Variants in CLIP3 observed in about 807,000 individuals in gnomAD.
CLIP3 encodes CAP-Gly domain containing linker protein 3.
A neutral mutation model predicts 59.4 loss-of-function variants in CLIP3; 15 were observed. That is an observed-to-expected ratio of 0.25 (90% confidence interval 0.17 to 0.39). CLIP3 has a LOEUF of 0.39. Among genes scored for constraint, CLIP3 ranks in the 10% least tolerant of loss-of-function variants. The probability of loss-of-function intolerance (pLI) is 1.00; values close to 1 mark genes in which losing one functional copy is unlikely to be tolerated. For missense variants in CLIP3, 495 were observed against 765.7 expected (o/e 0.65, Z 4.17); for synonymous variants, 300 against 321.6 (o/e 0.93, Z 0.72).
At position 36,026,618 on chromosome 19, in the gene CLIP3, A is replaced by G; in HGVS notation, c.530T>C (p.Val177Ala). 6.2e-7 allele frequency: 1 copy of G among 1,613,786 alleles called. No individual in the cohort carries two copies. The highest frequency in any genetic ancestry group is 8.5e-7 in the Non-Finnish European group (1 of 1,179,922). The change falls in exon 5 of 14, where the codon GTG becomes GCG. Residue 177 changes from valine to alanine, a missense_variant. By Grantham distance (64) the Val-to-Ala change is moderately conservative. Around this residue, in one of 5 missense-constraint regions of CLIP3, gnomAD observed 194 missense variants for 327.8 expected, o/e 0.59. Transcript: ENST00000360535. This position sits in a 1 kb window ranked among gnomAD's most constrained non-coding sequence, Gnocchi z 6.3. ...YAAYFDVPDL[V>A]RVLLKGARPR... ...CCTCGCACCCTTCAGCAGCACACGC[A>G]CGAGGTCGGGCACATCAAAATAGGC... is the stretch of plus-strand genomic sequence containing the variant.
Position 36,015,785 on chromosome 19 carries a change from T to C in CLIP3, c.*373A>G, listed in dbSNP as rs745476868. The C allele has an allele frequency of 1.8e-5, 5 of 276,388 alleles. No individual in the cohort carries two copies. Among genetic ancestry groups the C allele is most frequent in the Non-Finnish European group, 2.8e-5 (4 of 141,438 alleles). The allele number at this position is 276,388 out of a possible 1,614,324, so 17.1% of individuals were successfully genotyped here. ...GGACTTAAGGGGCAGTGTTTGTTAA[T>C]GGGGAGGTTTCTGATCCAGGGTTGG... On this transcript the variant is annotated 3_prime_UTR_variant, in exon 14 of 14. Coordinates refer to ENST00000360535, the MANE Select transcript of CLIP3 (RefSeq NM_015526.3).
In CLIP3 at chr19:36,016,251, C is replaced by T. The variant is rs1483658341; in HGVS notation, c.1590-39G>A. The T allele has an allele frequency of 1.9e-6, 3 of 1,612,190 alleles. No homozygotes were observed. Among genetic ancestry groups the T allele is most frequent in the Non-Finnish European group, 1.7e-6 (2 of 1,178,562 alleles). On this transcript the variant is annotated intron_variant, in intron 13 of 13. Transcript: ENST00000360535. This position sits in a 1 kb window ranked among gnomAD's most constrained non-coding sequence, Gnocchi z 4.1. The stretch of plus-strand genomic sequence containing the variant: ...TGACAGGGTCACGCCCTTAGGCAGG[C>T]AGCGGGGACATCTGCACCCATCACC...
Position 36,024,610 on chromosome 19 carries a change from G to A in CLIP3, c.704C>T (p.Ala235Val). ...GTCCATAGGATCTGGGACCACCTCC[G>A]CCGGCACCTGTCCTTTTCGATTCTG... ...ALRNRKGQVP[A>V]EVVPDPMDMS... Residue 235 changes from alanine (A) to valine (V), a missense_variant, in exon 7 of 14, where the codon GCG becomes GTG. Transcript: ENST00000360535. The A allele has an allele frequency of 5.0e-6, 8 of 1,614,124 alleles. No homozygotes were observed. Among genetic ancestry groups the A allele is most frequent in the Non-Finnish European group, 6.8e-6 (8 of 1,180,024 alleles).
intron 7 of CLIP3, among the ~76,000 whole-genome samples, chr19:36,019,598 A>ATTTTTT (rs200645934): frequency 7.0e-5 from 7 of 99,426 alleles, no homozygotes; most frequent in South Asian, 2.8e-4. Context: ...TTATTTATTT[A>ATTTTTT]TTTTATTTAT....
intron 2 of CLIP3, 63 bp from the exon 3 acceptor site, chr19:36,027,334 G>T: frequency 6.5e-7 from 1 of 1,526,844 alleles, no homozygotes. Flanking sequence ...AGCCTCAGTA[G>T]GGGAGCTGTA....
At chr19:36,019,873 G>T (rs551062604) in intron 7 of CLIP3, among the ~76,000 whole-genome samples, 3 of 151,758 alleles carry the variant, frequency 2.0e-5, no homozygotes, top group Non-Finnish European at 4.4e-5. Context: ...AAAGTGCTGG[G>T]ATCACAGGCA....
At chr19:36,027,296 C>CTT (rs1568543992) in intron 2 of CLIP3, 25 bp from the exon 3 acceptor site, 1 of 1,573,970 alleles carries the variant, frequency 6.4e-7, no homozygotes, top group Admixed American at 1.8e-5. Flanking sequence ...GGTCCAAGGT[C>CTT]ACCCCACGCA....
At chr19:36,030,995 CTTTTTTTCTTTTCTTTTTT>C (rs1224012069) in intron 2 of CLIP3, among the ~76,000 whole-genome samples, 1 of 113,342 alleles carries the variant, frequency 8.8e-6, no homozygotes, top group Non-Finnish European at 1.9e-5. Flanking sequence ...TTTCTTTTTT[CTTTTTTTCTTTTCTTTTTT>C]TTTTTTTTCT....
intron 6 of CLIP3, among the ~76,000 whole-genome samples, chr19:36,025,496 C>T (rs895517318): frequency 4.6e-5 from 7 of 150,560 alleles, no homozygotes; most frequent in Non-Finnish European, 8.8e-5. Flanking sequence ...GAGGCTGAGG[C>T]AGGAGAATCG....
chr19:36,029,855 C>T (rs1969211441), intron 2 of CLIP3, among the ~76,000 whole-genome samples: 1 of 152,070 alleles, frequency 6.6e-6, no homozygotes, highest in African/African-American at 2.4e-5. Context: ...CTGTCCTCGA[C>T]CACATTTCCA....
rs761438827 is a variant in CLIP3 at position 36,017,781 on chromosome 19, G to A, written c.1328-3C>T. Reference sequence around the variant, plus strand: ...CAGCTCAATGCCATACCAGTAACCTGCAGCACGAGGGTGTCAGGATTTCTC... The same window carrying A: ...CAGCTCAATGCCATACCAGTAACCTACAGCACGAGGGTGTCAGGATTTCTC... On this transcript the variant is annotated splice_polypyrimidine_tract_variant and splice_region_variant and intron_variant, in intron 10 of 13. Transcript: ENST00000360535. 1 of 1,614,138 alleles carries A rather than the reference G, an allele frequency of 6.2e-7. No individual in the cohort carries two copies. Among genetic ancestry groups the A allele is most frequent in the South Asian group, 1.1e-5 (1 of 91,080 alleles).
Position 36,026,452 on chromosome 19 carries a change from C to G in CLIP3, c.562+134G>C. The G allele has an allele frequency of 7.6e-7, 1 of 1,316,840 alleles. No individual in the cohort carries two copies. Among genetic ancestry groups the G allele is most frequent in the Non-Finnish European group, 1.0e-6 (1 of 955,282 alleles). 81.6% of individuals were successfully genotyped at this position (1,316,840 alleles called of 1,614,324 possible). A position where few individuals can be genotyped will look rare whatever the true frequency, so the allele number is the denominator to read the frequency against. The stretch of plus-strand genomic sequence containing the variant: ...CCTAGAGTGGTAGTCCCTGAGCCCC[C>G]TCTCCCACGCCTCCAACCTCCCGCT... On this transcript the variant is annotated intron_variant, in intron 5 of 13. Transcript: ENST00000360535. This position sits in a 1 kb window ranked among gnomAD's most constrained non-coding sequence, Gnocchi z 6.3.
chr19:36,025,973 T>A (rs1969093974), intron 6 of CLIP3, among the ~76,000 whole-genome samples, 174 bp downstream of exon 6: 1 of 152,232 alleles, frequency 6.6e-6, no homozygotes, highest in South Asian at 2.1e-4. Context: ...TATAATAGAC[T>A]TCACCTGACA....
At chr19:36,017,106 A>T in intron 12 of CLIP3, 127 bp from the exon 13 acceptor site, 1 of 1,000,496 alleles carries the variant, frequency 1.0e-6, no homozygotes, top group African/African-American at 1.6e-5. Context: ...TACATTCCCA[A>T]TACCCATCTG....
Position 36,026,556 on chromosome 19 carries a change from C to T in CLIP3, c.562+30G>A, listed in dbSNP as rs1447743786. On this transcript the variant is annotated intron_variant, in intron 5 of 13. Coordinates refer to ENST00000360535, the MANE Select transcript of CLIP3 (RefSeq NM_015526.3). This position sits in a 1 kb window ranked among gnomAD's most constrained non-coding sequence, Gnocchi z 6.3. ...TCCGCGTCCCTCACCCAGGTCCTTG[C>T]CCCCTCCCAGCCAGGGCTCTCCTCC... is the stretch of plus-strand genomic sequence containing the variant. 1.9e-6 allele frequency: 3 copies of T among 1,610,926 alleles called. No homozygotes were observed. The highest frequency in any genetic ancestry group is 2.2e-5 in the East Asian group (1 of 44,824).
rs1012103504 is a variant in CLIP3 at position 36,032,380 on chromosome 19, G to A, written c.-23C>T. On this transcript the variant is annotated 5_prime_UTR_variant, in exon 2 of 14. Coordinates refer to ENST00000360535, the MANE Select transcript of CLIP3 (RefSeq NM_015526.3). This position sits in a 1 kb window ranked among gnomAD's most constrained non-coding sequence, Gnocchi z 4.3. ...CATGGTCCTCGGTGGCCCTCGGGGG[G>A]CGGGTGCAGAGTTGGGGGCAGCCTT... 2 of 1,221,974 alleles carry A rather than the reference G, an allele frequency of 1.6e-6. No homozygotes were observed. Among genetic ancestry groups the A allele is most frequent in the Non-Finnish European group, 2.1e-6 (2 of 964,532 alleles). 75.7% of individuals were successfully genotyped at this position (1,221,974 alleles called of 1,614,324 possible). A position where few individuals can be genotyped will look rare whatever the true frequency, so the allele number is the denominator to read the frequency against.
In CLIP3 at chr19:36,017,836, C is replaced by G; in HGVS notation, c.1327+12G>C. ...CCCTGCCTGCCTCCCGGCCCAGAGT[C>G]CCCATCCTCACCTGGGGCAAAGTCT... On this transcript the variant is annotated intron_variant, in intron 10 of 13. Coordinates refer to ENST00000360535, the MANE Select transcript of CLIP3 (RefSeq NM_015526.3). The G allele has an allele frequency of 6.2e-7, 1 of 1,614,160 alleles. No individual in the cohort carries two copies. Among genetic ancestry groups the G allele is most frequent in the South Asian group, 1.1e-5 (1 of 91,082 alleles).
chr19:36,016,263 C>G lies in CLIP3; in HGVS notation c.1590-51G>C, dbSNP rs1196334846. On this transcript the variant is annotated intron_variant, in intron 13 of 13. Transcript: ENST00000360535. This position sits in a 1 kb window ranked among gnomAD's most constrained non-coding sequence, Gnocchi z 4.1. ...GCCCTTAGGCAGGCAGCGGGGACAT[C>G]TGCACCCATCACCCCCAGCCTTTCC... 1 of 1,600,936 alleles carries G rather than the reference C, an allele frequency of 6.2e-7. No homozygotes were observed. The highest frequency in any genetic ancestry group is 1.3e-5 in the African/African-American group (1 of 74,640).
chr19:36,029,853 G>A lies in CLIP3; in HGVS notation c.166+2339C>T, dbSNP rs892487332. Among the ~76,000 whole-genome samples the A allele has an allele frequency of 6.6e-5, 10 of 151,918 alleles. No individual in the cohort carries two copies. In the Middle Eastern group the frequency reaches 0.014, roughly 208 times the overall value. ...CCACCTTAGCCTTCTCCCTGTCCTC[G>A]ACCACATTTCCAGATTTCTTCACAT... On this transcript the variant is annotated intron_variant, in intron 2 of 13. Transcript: ENST00000360535.
Sources: allele counts gnomAD v4.1 joint callset (sites outside exome capture counted in the v4.1 genomes callset), GRCh38; gene constraint gnomAD v4.1.1; regional missense constraint gnomAD v4.1.1; non-coding constraint Gnocchi (gnomAD v3.1); transcripts MANE v1.5; gene names NCBI Gene and HGNC (gene_info 2026-07-23, HGNC 2026-07-21).